The following PRSS23 variants were observed in gnomAD, a reference collection of about 807,000 sequenced individuals.
PRSS23 encodes the protein protease, serine 23.
Under a neutral mutation model 34.7 loss-of-function variants are expected in PRSS23, and 25 were observed. That is an observed-to-expected ratio of 0.72 (90% CI 0.53 to 1.01). The LOEUF is 1.01. Ranked by LOEUF, PRSS23 falls within the 50% of genes least tolerant of loss-of-function variation. PRSS23 has a pLI of 0.00. For missense variants in PRSS23, 445 were observed against 475.6 expected, an observed-to-expected ratio of 0.94 and a Z score of 0.60; for synonymous variants, 176 against 186.6, an observed-to-expected ratio of 0.94 and a Z score of 0.46.
At chr11:86,928,707 T>TATATATATA (rs59624601) in intron 2 of PRSS23, among the ~76,000 whole-genome samples, 7,933 of 65,714 alleles carry the variant, frequency 0.12, 1,302 homozygotes, top group East Asian at 0.23. Context: ...AAAAAAAAAA[T>TATATATATA]TGGCAAGACA....
chr11:86,951,821 A>G lies in PRSS23; in HGVS notation c.*536A>G, dbSNP rs897514084. The G allele has an allele frequency of 6.2e-7, 1 of 1,613,850 alleles. No individual in the cohort carries two copies. The highest frequency in any genetic ancestry group is 1.3e-5 in the African/African-American group (1 of 74,924). On this transcript the variant is annotated 3_prime_UTR_variant, in exon 3 of 3. Transcript: ENST00000533902. ...CCACCAAATGGAGCTGGCCATTCCA[A>G]AAAAGTACATCAGCAAGAAAATTAT... is the stretch of plus-strand genomic sequence containing the variant.
intron 2 of PRSS23, chr11:86,910,034 CAT>C (rs1201323603): frequency 1.3e-5 from 2 of 152,172 alleles, no homozygotes; most frequent in African/African-American, 4.8e-5. Flanking sequence ...TTCAACTAAA[CAT>C]GTCCAAAAAA....
At chr11:86,791,447 G>C (rs1361904520) in intron 1 of PRSS23, among the ~76,000 whole-genome samples, 8 of 152,214 alleles carry the variant, frequency 5.3e-5, no homozygotes, top group African/African-American at 1.9e-4. Context: ...GAAGCAATTT[G>C]CTTCTGTAAG....
chr11:86,952,714 A>G lies in PRSS23; in HGVS notation c.*1429A>G. 1.2e-5 allele frequency: 5 copies of G among 423,764 alleles called. 1 individual carries two copies. Among genetic ancestry groups the G allele is most frequent in the South Asian group, 9.2e-5 (3 of 32,646 alleles). The allele number at this position is 423,764 out of a possible 1,614,324, so 26.3% of individuals were successfully genotyped here. A position where few individuals can be genotyped will look rare whatever the true frequency, so the allele number is the denominator to read the frequency against. On this transcript the variant is annotated 3_prime_UTR_variant, in exon 3 of 3. Coordinates refer to the PRSS23 transcript ENST00000533902. Reference sequence around the variant, plus strand: ...CAGAAGAATGTACATAAATAAATAAATAAAATAAATAGGGTCTGAAGAATT... The same window carrying G: ...CAGAAGAATGTACATAAATAAATAAGTAAAATAAATAGGGTCTGAAGAATT...
At chr11:86,799,556 A>G (rs1232754351), upstream of PRSS23, among the ~76,000 whole-genome samples, 1 of 152,150 alleles carries the variant, frequency 6.6e-6, no homozygotes, top group Non-Finnish European at 1.5e-5. Flanking sequence ...CTTCACCACA[A>G]TGGCCTATAT....
intron 2 of PRSS23, among the ~76,000 whole-genome samples, chr11:86,842,371 A>G (rs1186044973): frequency 6.6e-6 from 1 of 152,238 alleles, no homozygotes; most frequent in Non-Finnish European, 1.5e-5. Context: ...GAAAACTGGC[A>G]CAAGACAACG....
intron 2 of PRSS23, chr11:86,933,325 G>A (rs12805523): frequency 0.73 from 110,817 of 151,906 alleles, 41,625 homozygotes; most frequent in Non-Finnish European, 0.84. Context: ...GACACCTAAG[G>A]TGGTGCATAA....
intron 2 of PRSS23, among the ~76,000 whole-genome samples, chr11:86,872,596 C>T (rs1325239676): frequency 6.6e-6 from 1 of 152,128 alleles, no homozygotes; most frequent in East Asian, 1.9e-4. Flanking sequence ...TTTTTTCAAA[C>T]ATTATGAATT....
chr11:86,817,818 A>C (rs1161410209), intron 1 of PRSS23, among the ~76,000 whole-genome samples: 1 of 152,216 alleles, frequency 6.6e-6, no homozygotes, highest in Non-Finnish European at 1.5e-5. Context: ...TCCCACTACA[A>C]ACCTATGAAG....
At chr11:86,831,579 A>G (rs562645841) in intron 2 of PRSS23, among the ~76,000 whole-genome samples, 1 of 152,012 alleles carries the variant, frequency 6.6e-6, no homozygotes, top group Non-Finnish European at 1.5e-5. Context: ...ACCCTGTAAT[A>G]TTATTCATAA....
At position 86,835,897 on chromosome 11, in the gene PRSS23, A is replaced by G. The variant is rs112791848; in HGVS notation, c.206+12304A>G. ...CACGTACCGAAGGACAAGAGTGTCC[A>G]GGTATGAGAATTGGCTCAAGTTTTG... On this transcript the variant is annotated intron_variant, in intron 2 of 2. Transcript: ENST00000533902. Among the ~76,000 whole-genome samples the G allele has an allele frequency of 9.5e-4, 144 of 152,310 alleles. 1 individual carries two copies. The highest frequency in any genetic ancestry group is 3.3e-3 in the African/African-American group (136 of 41,570).
intron 1 of PRSS23, among the ~76,000 whole-genome samples, chr11:86,793,693 T>C (rs919801887): frequency 9.8e-5 from 15 of 152,338 alleles, no homozygotes; most frequent in Middle Eastern, 3.4e-3. Context: ...AAATTATTTC[T>C]GATCTAATAT....
chr11:86,814,548 C>G (rs1948202157), downstream of PRSS23, among the ~76,000 whole-genome samples: 1 of 152,188 alleles, frequency 6.6e-6, no homozygotes, highest in African/African-American at 2.4e-5. Context: ...AAATGTCCCT[C>G]TGGCTATGGT....
intron 2 of PRSS23, among the ~76,000 whole-genome samples, chr11:86,828,777 A>G (rs1948325280): frequency 6.6e-6 from 1 of 152,164 alleles, no homozygotes; most frequent in Non-Finnish European, 1.5e-5. Flanking sequence ...TGGATATGAA[A>G]TTCTGGGTTG....
intron 2 of PRSS23, among the ~76,000 whole-genome samples, chr11:86,867,874 C>CAAAAAAAAAAAAAAAAAAAAAAAAA (rs11352878): frequency 1.7e-5 from 2 of 118,334 alleles, no homozygotes; most frequent in Admixed American, 8.5e-5. Flanking sequence ...GACCCTACCT[C>CAAAAAAAAAAAAAAAAAAAAAAAAA]AAAAAAAAAA....
At chr11:86,863,707 C>T (rs1273699924) in intron 2 of PRSS23, among the ~76,000 whole-genome samples, 2 of 152,160 alleles carry the variant, frequency 1.3e-5, no homozygotes, top group African/African-American at 4.8e-5. Flanking sequence ...TTTCTCTTCT[C>T]CAGAATCCCT....
chr11:86,924,112 G>A (rs1260029061), intron 2 of PRSS23, among the ~76,000 whole-genome samples: 3 of 152,184 alleles, frequency 2.0e-5, no homozygotes, highest in Admixed American at 6.5e-5. Flanking sequence ...GAAAACAGGG[G>A]CTGCTTGCTG....
chr11:86,875,310 G>T (rs188245455), intron 2 of PRSS23, among the ~76,000 whole-genome samples: 261 of 152,304 alleles, frequency 1.7e-3, no homozygotes, highest in African/African-American at 6.1e-3. Context: ...GGTGGAGGTT[G>T]CAGTGAGCCA....
chr11:86,835,672 G>C (rs1176686709), intron 2 of PRSS23, among the ~76,000 whole-genome samples: 1 of 152,186 alleles, frequency 6.6e-6, no homozygotes, highest in Non-Finnish European at 1.5e-5. Flanking sequence ...ATGAGATTAA[G>C]CCAGTATAGG....
Sources: allele counts gnomAD v4.1 joint callset (sites outside exome capture counted in the v4.1 genomes callset), GRCh38; gene constraint gnomAD v4.1.1; transcripts MANE v1.5; gene names NCBI Gene and HGNC (gene_info 2026-07-23, HGNC 2026-07-21).